Variants in FRMPD4 observed in about 807,000 individuals in gnomAD.
FRMPD4 encodes FERM and PDZ domain containing 4, also known as FERM and PDZ domain-containing protein 4.
In FRMPD4, 22 loss-of-function variants were observed where a neutral mutation model predicts 94.1. That is an observed-to-expected ratio of 0.23 (90% CI 0.17 to 0.33). The LOEUF is 0.33. Ranked by LOEUF, FRMPD4 falls within the 10% of genes least tolerant of loss-of-function variation. The pLI is 1.00. For synonymous variants in FRMPD4, 631 were observed against 548.6 expected, an observed-to-expected ratio of 1.15 and a Z score of -2.10; for missense variants, 1,111 against 1,339.9, an observed-to-expected ratio of 0.83 and a Z score of 2.67.
At chrX:12,358,213 C>T (rs2055924783) in intron 1 of FRMPD4, among the ~76,000 whole-genome samples, 1 of 111,225 alleles carries the variant, frequency 9.0e-6, no homozygotes, top group East Asian at 2.8e-4. Context: ...TAACTTTCTA[C>T]TGCTTTCTCA....
intron 4 of FRMPD4, among the ~76,000 whole-genome samples, chrX:12,628,280 G>A (rs2059364819): frequency 8.9e-6 from 1 of 111,868 alleles, no homozygotes; most frequent in Non-Finnish European, 1.9e-5. Flanking sequence ...ACCTGTAGAG[G>A]GTTGTTTTAA....
chrX:12,486,330 G>A (rs753486782), intron 1 of FRMPD4, among the ~76,000 whole-genome samples: 1 of 111,930 alleles, frequency 8.9e-6, no homozygotes, highest in Non-Finnish European at 1.9e-5. Context: ...CTAGGCCTAC[G>A]GAAACAGAAC....
chrX:12,122,331 G>A (rs781546547), intron 3 of FRMPD4, among the ~76,000 whole-genome samples: 7 of 112,289 alleles, frequency 6.2e-5, no homozygotes, highest in South Asian at 7.4e-4. Flanking sequence ...AAGTGGGTCG[G>A]TGAGGGCTCC....
chrX:11,946,177 G>C (rs1282800770), intron 3 of FRMPD4, among the ~76,000 whole-genome samples: 1 of 111,593 alleles, frequency 9.0e-6, no homozygotes, highest in African/African-American at 3.3e-5. Flanking sequence ...CCCATGTGAG[G>C]TCATGTCTAA....
At chrX:12,514,502 G>A (rs1308277871) in intron 2 of FRMPD4, among the ~76,000 whole-genome samples, 1 of 112,238 alleles carries the variant, frequency 8.9e-6, no homozygotes, top group African/African-American at 3.2e-5. Flanking sequence ...CAGTTTATGT[G>A]ATGAATTATG....
intron 1 of FRMPD4, among the ~76,000 whole-genome samples, chrX:12,377,036 T>C (rs942422331): frequency 7.1e-5 from 8 of 111,930 alleles, no homozygotes; most frequent in South Asian, 3.8e-4. Context: ...CTCAGGAAAA[T>C]GCTCCTGCTG....
chrX:11,888,324 A>AT (rs1415911571), intron 3 of FRMPD4, among the ~76,000 whole-genome samples: 2 of 111,495 alleles, frequency 1.8e-5, no homozygotes, highest in East Asian at 2.8e-4. Context: ...ACACCTTCAC[A>AT]TTTTTTACCT....
At chrX:12,558,356 A>C (rs2058618135) in intron 2 of FRMPD4, among the ~76,000 whole-genome samples, 1 of 113,010 alleles carries the variant, frequency 8.8e-6, no homozygotes, top group South Asian at 3.6e-4. Flanking sequence ...TCATTGATAA[A>C]AAGAAAAAGA....
intron 3 of FRMPD4, among the ~76,000 whole-genome samples, chrX:11,991,031 C>T (rs946666693): frequency 1.8e-5 from 2 of 112,100 alleles, no homozygotes; most frequent in African/African-American, 6.5e-5. Flanking sequence ...TAGGGGTTAT[C>T]TGTAGTTCCT....
intron 1 of FRMPD4, among the ~76,000 whole-genome samples, chrX:12,206,901 T>A (rs1286989032): frequency 8.9e-6 from 1 of 112,559 alleles, no homozygotes; most frequent in Non-Finnish European, 1.9e-5. Context: ...GATAAAAATA[T>A]TGTTATAAAT....
At chrX:12,387,187 AT>A (rs745809412) in intron 1 of FRMPD4, among the ~76,000 whole-genome samples, 3 of 112,269 alleles carry the variant, frequency 2.7e-5, no homozygotes, top group Non-Finnish European at 1.9e-5. Flanking sequence ...GTTTAATGAT[AT>A]TAGGAAGCTT....
chrX:12,131,154 C>T (rs1488404350), intron 3 of FRMPD4, among the ~76,000 whole-genome samples: 2 of 111,769 alleles, frequency 1.8e-5, no homozygotes, highest in African/African-American at 6.5e-5. Context: ...AGTTAAGTGA[C>T]CTAATAAGGC....
chrX:12,656,592 GAAGA>G (rs1215514973), intron 4 of FRMPD4, among the ~76,000 whole-genome samples: 1 of 112,094 alleles, frequency 8.9e-6, no homozygotes, highest in African/African-American at 3.2e-5. Context: ...CTGAGTGAAA[GAAGA>G]AAGAAACAAA....
At chrX:12,413,783 G>C (rs1451107719) in intron 1 of FRMPD4, among the ~76,000 whole-genome samples, 3 of 112,551 alleles carry the variant, frequency 2.7e-5, no homozygotes, top group African/African-American at 9.7e-5. Context: ...TCTTGTGTTT[G>C]AGGACCTGGT....
intron 3 of FRMPD4, among the ~76,000 whole-genome samples, chrX:11,946,146 G>A (rs1015548048): frequency 8.9e-6 from 1 of 111,992 alleles, no homozygotes; most frequent in Non-Finnish European, 1.9e-5. Flanking sequence ...AAACTCATTT[G>A]CCTTTAAGAC....
chrX:12,268,415 G>A (rs1032362640), intron 1 of FRMPD4, among the ~76,000 whole-genome samples: 1 of 112,036 alleles, frequency 8.9e-6, no homozygotes, highest in African/African-American at 3.2e-5. Context: ...ACTTTACCTT[G>A]AGAGGCAGCT....
intron 1 of FRMPD4, among the ~76,000 whole-genome samples, chrX:12,165,958 A>C (rs1437554494): frequency 9.0e-6 from 1 of 111,310 alleles, no homozygotes; most frequent in Non-Finnish European, 1.9e-5. Context: ...GGGCTGAGAC[A>C]ATGGGGTTTT....
At chrX:12,711,041 G>A (rs1250764052) in intron 14 of FRMPD4, among the ~76,000 whole-genome samples, 2 of 112,362 alleles carry the variant, frequency 1.8e-5, no homozygotes, top group Non-Finnish European at 3.8e-5. Context: ...GAAAAATGCT[G>A]ATTTCTCACC....
intron 1 of FRMPD4, among the ~76,000 whole-genome samples, chrX:12,232,699 G>A (rs1381643732): frequency 1.8e-5 from 2 of 111,828 alleles, no homozygotes; most frequent in African/African-American, 6.5e-5. Context: ...AAATTGTGCT[G>A]TATGTGCAGC....
Sources: allele counts gnomAD v4.1 joint callset (sites outside exome capture counted in the v4.1 genomes callset), GRCh38; gene constraint gnomAD v4.1.1; transcripts MANE v1.5; gene names NCBI Gene and HGNC (gene_info 2026-07-23, HGNC 2026-07-21).